CAMTA1: variants seen among roughly 807,000 people sequenced by gnomAD.
CAMTA1 encodes calmodulin binding transcription activator 1, also known as calmodulin-binding transcription activator 1.
In CAMTA1, 27 loss-of-function variants were observed where a neutral mutation model predicts 170.9. That is an observed-to-expected ratio of 0.16 (90% CI 0.12 to 0.22). CAMTA1 has a LOEUF of 0.22. Among genes scored for constraint, CAMTA1 ranks in the 10% least tolerant of loss-of-function variants. The pLI is 1.00. For missense variants in CAMTA1, 1,619 were observed against 2,217.2 expected, an observed-to-expected ratio of 0.73 and a Z score of 5.42; for synonymous variants, 833 against 891.5, an observed-to-expected ratio of 0.93 and a Z score of 1.17.
At chr1:7,493,382 A>C (rs76104140) in intron 6 of CAMTA1, among the ~76,000 whole-genome samples, 14 of 27,458 alleles carry the variant, frequency 5.1e-4, no homozygotes, top group Admixed American at 2.4e-3. Context: ...CGCACACACA[A>C]ACAAACACGT....
rs533601932 is a variant in CAMTA1, at chr1:7,363,617, G to T, written c.439-104213G>T. Among the ~76,000 whole-genome samples, 5 of 152,264 alleles carry T rather than the reference G, an allele frequency of 3.3e-5. No homozygotes were observed. In the South Asian group the frequency reaches 1.0e-3, roughly 32 times the overall value. ...GACATCGGAACGATTGGCCTGTGTG[G>T]TTGCCTCTGGGACCCTCAGAAGGAT... On this transcript the variant is annotated intron_variant, in intron 5 of 22. Transcript: ENST00000303635.
intron 4 of CAMTA1, among the ~76,000 whole-genome samples, chr1:7,231,077 C>T (rs887027348): frequency 2.0e-5 from 3 of 152,120 alleles, no homozygotes; most frequent in Non-Finnish European, 2.9e-5. Context: ...ACTCAGGGTG[C>T]AGTCGAGTCT....
At position 7,688,991 on chromosome 1, in the gene CAMTA1, G is replaced by C. The variant is rs990566295; in HGVS notation, c.2914+11258G>C. Among the ~76,000 whole-genome samples, 3 of 152,188 alleles carry C rather than the reference G, an allele frequency of 2.0e-5. No individual in the cohort carries two copies. The East Asian group carries it at 5.8e-4, about 29-fold the overall frequency. On this transcript the variant is annotated intron_variant, in intron 11 of 22. Coordinates refer to ENST00000303635, the MANE Select transcript of CAMTA1 (RefSeq NM_015215.4). ...TTTTTAAAAAATCAGGCCGGGTGCA[G>C]TGGCTCATGCCTGTAATCCCAACAC...
At position 7,333,345 on chromosome 1, in the gene CAMTA1, A is replaced by G. The variant is rs2083152563; in HGVS notation, c.438+83719A>G. 6.6e-6 allele frequency among the ~76,000 whole-genome samples: 1 copy of G among 152,182 alleles called. No homozygotes were observed. The highest frequency in any genetic ancestry group is 1.5e-5 in the Non-Finnish European group (1 of 68,040). The stretch of plus-strand genomic sequence containing the variant: ...TCCTGCCGGTGAGGGAGAGACCCGC[A>G]GGGGAGTCGGATCTGACACGGGACC... On this transcript the variant is annotated intron_variant, in intron 5 of 22. Coordinates refer to ENST00000303635, the MANE Select transcript of CAMTA1 (RefSeq NM_015215.4). This position sits in a 1 kb window ranked among gnomAD's most constrained non-coding sequence, Gnocchi z 4.4.
chr1:7,559,213 C>G (rs556681751), intron 6 of CAMTA1, among the ~76,000 whole-genome samples: 1 of 152,320 alleles, frequency 6.6e-6, no homozygotes, highest in East Asian at 1.9e-4. Context: ...TCTCCACCCC[C>G]AGAGCCTCCC....
chr1:7,313,511 T>C (rs1188948693), intron 5 of CAMTA1, among the ~76,000 whole-genome samples: 1 of 152,196 alleles, frequency 6.6e-6, no homozygotes, highest in Non-Finnish European at 1.5e-5. Context: ...AGACCTTTAT[T>C]GCATTGGTCG....
chr1:6,840,619 A>C lies in CAMTA1; in HGVS notation c.234+15409A>C, dbSNP rs1006896037. On this transcript the variant is annotated intron_variant, in intron 3 of 22. Coordinates refer to ENST00000303635, the MANE Select transcript of CAMTA1 (RefSeq NM_015215.4). ...CCAGAGTGATGATGTTGAATAGGCA[A>C]CTTCCATAAGTCTGGGGAGAGGTCC... is the stretch of plus-strand genomic sequence containing the variant. Among the ~76,000 whole-genome samples the C allele has an allele frequency of 5.9e-5, 9 of 152,280 alleles. No homozygotes were observed. In the East Asian group the frequency reaches 1.5e-3, roughly 26 times the overall value.
chr1:6,863,666 T>C (rs1972306), intron 3 of CAMTA1, among the ~76,000 whole-genome samples: 62,708 of 152,122 alleles, frequency 0.41, 13,105 homozygotes, highest in Admixed American at 0.48. Flanking sequence ...TTCAGAGTTA[T>C]AGAAATGTCT....
intron 11 of CAMTA1, among the ~76,000 whole-genome samples, chr1:7,715,134 C>A (rs2096599254): frequency 6.6e-6 from 1 of 151,956 alleles, no homozygotes; most frequent in Non-Finnish European, 1.5e-5. Context: ...AGGATTGTTA[C>A]CAGTTAAGTG....
chr1:7,422,202 T>C (rs1575230178), intron 5 of CAMTA1, among the ~76,000 whole-genome samples: 3 of 151,690 alleles, frequency 2.0e-5, no homozygotes, highest in African/African-American at 7.3e-5. Flanking sequence ...GCAGGCGTGG[T>C]CTCTGTTTTC....
intron 11 of CAMTA1, among the ~76,000 whole-genome samples, chr1:7,684,606 G>A (rs1234375178): frequency 1.3e-5 from 2 of 152,192 alleles, no homozygotes; most frequent in African/African-American, 4.8e-5. Flanking sequence ...CTCCCTCTGC[G>A]TGTGTCTGTG....
intron 1 of CAMTA1, among the ~76,000 whole-genome samples, chr1:6,796,610 G>T (rs1487966611): frequency 6.6e-6 from 1 of 151,960 alleles, no homozygotes; most frequent in African/African-American, 2.4e-5. Flanking sequence ...TAACTTCATT[G>T]TTTGATACTT....
chr1:7,037,414 C>T (rs755638753), intron 3 of CAMTA1, among the ~76,000 whole-genome samples: 22 of 152,174 alleles, frequency 1.4e-4, no homozygotes, highest in Non-Finnish European at 2.8e-4. Flanking sequence ...CCCTGTGCTC[C>T]GGCTGGAATC....
At chr1:7,437,143 C>T (rs2092374085) in intron 5 of CAMTA1, among the ~76,000 whole-genome samples, 1 of 152,126 alleles carries the variant, frequency 6.6e-6, no homozygotes, top group Non-Finnish European at 1.5e-5. Flanking sequence ...CCTTCCCAGC[C>T]CTATCCTCCC....
At chr1:7,279,838 C>A (rs1221004947) in intron 5 of CAMTA1, among the ~76,000 whole-genome samples, 1 of 152,154 alleles carries the variant, frequency 6.6e-6, no homozygotes, top group African/African-American at 2.4e-5. Context: ...GAGCTACAGC[C>A]TCAGGTTACT....
At chr1:7,451,431 A>G (rs2092822164) in intron 5 of CAMTA1, among the ~76,000 whole-genome samples, 1 of 152,102 alleles carries the variant, frequency 6.6e-6, no homozygotes, top group South Asian at 2.1e-4. Flanking sequence ...GGAGGGTCAC[A>G]GCTCTGCCTG....
intron 5 of CAMTA1, among the ~76,000 whole-genome samples, chr1:7,364,941 G>A (rs566534116): frequency 3.5e-4 from 54 of 152,372 alleles, no homozygotes; most frequent in African/African-American, 1.3e-3. Flanking sequence ...TCCAGTCAGG[G>A]GAATGGCGGT....
chr1:7,277,228 A>G lies in CAMTA1; in HGVS notation c.438+27602A>G, dbSNP rs1372846897. Reference sequence around the variant, plus strand: ...CTGGCAAGCTATTTTTAAAATTTACATATAGCATAAGAATGACCAAGAATA... The same window carrying G: ...CTGGCAAGCTATTTTTAAAATTTACGTATAGCATAAGAATGACCAAGAATA... On this transcript the variant is annotated intron_variant, in intron 5 of 22. Coordinates refer to ENST00000303635, the MANE Select transcript of CAMTA1 (RefSeq NM_015215.4). Among the ~76,000 whole-genome samples, 4 of 152,220 alleles carry G rather than the reference A, an allele frequency of 2.6e-5. No homozygotes were observed. The East Asian group carries it at 5.8e-4, about 22-fold the overall frequency.
chr1:7,636,739 C>G (rs1419170175), intron 6 of CAMTA1, among the ~76,000 whole-genome samples: 1 of 151,264 alleles, frequency 6.6e-6, no homozygotes, highest in Non-Finnish European at 1.5e-5. Flanking sequence ...CTTCCCTGCC[C>G]TTTGTGGACC....
Sources: gnomAD v4.1 joint callset for allele counts (sites outside exome capture counted in the v4.1 genomes callset) on GRCh38, gnomAD v4.1.1 for gene constraint, Gnocchi (gnomAD v3.1) non-coding constraint, MANE v1.5 for transcripts, NCBI Gene and HGNC (gene_info 2026-07-23, HGNC 2026-07-21) for gene names.